CNTNAP5: variants seen among roughly 807,000 people sequenced by gnomAD.
CNTNAP5 encodes contactin-associated protein-like 5.
In CNTNAP5, 72 loss-of-function variants were observed where a neutral mutation model predicts 150.2. The ratio of observed to expected loss-of-function variants is 0.48; its 90% CI spans 0.40 to 0.58. CNTNAP5 has a LOEUF of 0.58. Among genes scored for constraint, CNTNAP5 ranks in the 20% least tolerant of loss-of-function variants. CNTNAP5 has a pLI of 0.00. For synonymous variants in CNTNAP5, 672 were observed against 619.8 expected (o/e 1.08, Z -1.25); for missense variants, 1,636 against 1,626.2 (o/e 1.01, Z -0.10).
In CNTNAP5 at chr2:124,733,029, A is replaced by G. The variant is rs116512924; in HGVS notation, c.2078-14200A>G. Among the ~76,000 whole-genome samples, 1,374 of 152,282 alleles carry G rather than the reference A, an allele frequency of 9.0e-3. 22 individuals carry two copies. Among genetic ancestry groups the G allele is most frequent in the African/African-American group, 0.032 (1,311 of 41,556 alleles). ...GCAATGGCATTTTGATTAGCAATGC[A>G]ACATTTACTCCCTGTTCACTTTATT... is the stretch of plus-strand genomic sequence containing the variant. On this transcript the variant is annotated intron_variant, in intron 13 of 23. Transcript: ENST00000682447.
intron 11 of CNTNAP5, among the ~76,000 whole-genome samples, chr2:124,592,921 T>A (rs2104962240): frequency 6.6e-6 from 1 of 152,028 alleles, no homozygotes; most frequent in East Asian, 1.9e-4. Flanking sequence ...GTTTATTGTA[T>A]CTTTTGCCAT....
Position 124,675,755 on chromosome 2 carries a change from G to A in CNTNAP5, c.2077+27797G>A, listed in dbSNP as rs145712368. Among the ~76,000 whole-genome samples the A allele has an allele frequency of 1.6e-3, 241 of 152,182 alleles. 1 individual carries two copies. The highest frequency in any genetic ancestry group is 5.7e-3 in the African/African-American group (236 of 41,542). ...TAGTTGTCTTATTTGTCGAGATATT[G>A]TTGTCATATTTTCCTTTAATTCTTT... On this transcript the variant is annotated intron_variant, in intron 13 of 23. Coordinates refer to ENST00000682447, the MANE Select transcript of CNTNAP5 (RefSeq NM_001367498.1).
intron 10 of CNTNAP5, among the ~76,000 whole-genome samples, chr2:124,549,435 A>G (rs558667106): frequency 6.6e-6 from 1 of 152,342 alleles, no homozygotes; most frequent in African/African-American, 2.4e-5. Context: ...TTTTAGTTCT[A>G]TCCATAACAA....
At chr2:124,238,881 G>C (rs1458511081) in intron 2 of CNTNAP5, among the ~76,000 whole-genome samples, 3 of 152,166 alleles carry the variant, frequency 2.0e-5, no homozygotes, top group African/African-American at 7.2e-5. Flanking sequence ...TGAAATGTTT[G>C]CCATAGCAAC....
At chr2:124,546,142 C>T (rs549919285) in intron 10 of CNTNAP5, among the ~76,000 whole-genome samples, 16 of 152,168 alleles carry the variant, frequency 1.1e-4, no homozygotes, top group African/African-American at 3.6e-4. Context: ...CCCTGTGGAT[C>T]AGTCCTTTAG....
chr2:124,374,710 C>T (rs1018784434), intron 3 of CNTNAP5, among the ~76,000 whole-genome samples: 4 of 152,096 alleles, frequency 2.6e-5, no homozygotes, highest in African/African-American at 9.7e-5. Context: ...GGAATGACCA[C>T]ACCTAGTGGC....
intron 1 of CNTNAP5, among the ~76,000 whole-genome samples, chr2:124,191,273 T>G (rs1685451267): frequency 6.6e-6 from 1 of 152,220 alleles, no homozygotes; most frequent in Non-Finnish European, 1.5e-5. Context: ...GTGGGATGTT[T>G]GGAGAAGATC....
At position 124,399,507 on chromosome 2, in the gene CNTNAP5, T is replaced by TAGAC. The variant is rs1691349820; in HGVS notation, c.382-17935_382-17932dup. Among the ~76,000 whole-genome samples the TAGAC allele has an allele frequency of 2.6e-5, 4 of 152,104 alleles. No individual in the cohort carries two copies. In the South Asian group the frequency reaches 8.3e-4, roughly 32 times the overall value. ...GCAAGTTGGGGCTTTTCTGCTGGTG[T>TAGAC]AGACGTTCATCCCTGGAAGTGATCC... On this transcript the variant is annotated intron_variant, in intron 3 of 23. Coordinates refer to ENST00000682447, the MANE Select transcript of CNTNAP5 (RefSeq NM_001367498.1).
intron 7 of CNTNAP5, among the ~76,000 whole-genome samples, chr2:124,493,965 TACACACACACACACAC>T (rs58843895): frequency 6.3e-5 from 9 of 143,828 alleles, no homozygotes; most frequent in Admixed American, 6.9e-5. Flanking sequence ...AAACCATAAA[TACACACACACACACAC>T]ACACACACAC....
At chr2:124,760,713 T>C (rs1320954118) in intron 14 of CNTNAP5, among the ~76,000 whole-genome samples, 1 of 152,150 alleles carries the variant, frequency 6.6e-6, no homozygotes, top group East Asian at 1.9e-4. Flanking sequence ...ATTCCTGGTG[T>C]GGGGTGCCGT....
At chr2:124,764,270 A>T (rs962718) in intron 16 of CNTNAP5, 123 bp downstream of exon 16, 9 of 716,710 alleles carry the variant, frequency 1.3e-5, no homozygotes, top group Non-Finnish European at 2.1e-5. Context: ...CATCTGTAAA[A>T]TTAGCAGTGA....
At chr2:124,310,239 T>C (rs553864411) in intron 3 of CNTNAP5, among the ~76,000 whole-genome samples, 2 of 152,200 alleles carry the variant, frequency 1.3e-5, no homozygotes, top group South Asian at 2.1e-4. Flanking sequence ...TGCTGGCATA[T>C]TGGGGCAATG....
At chr2:124,312,527 A>G (rs562937878) in intron 3 of CNTNAP5, among the ~76,000 whole-genome samples, 3 of 150,694 alleles carry the variant, frequency 2.0e-5, no homozygotes, top group Admixed American at 6.6e-5. Flanking sequence ...ACCACACCCA[A>G]CTAATTTTTG....
Position 124,537,040 on chromosome 2 carries a change from G to C in CNTNAP5, c.1649+9584G>C, listed in dbSNP as rs994376665. Among the ~76,000 whole-genome samples, 37 of 151,428 alleles carry C rather than the reference G, an allele frequency of 2.4e-4. 1 individual carries two copies. Among genetic ancestry groups the C allele is most frequent in the Admixed American group, 2.2e-3 (33 of 15,194 alleles). On this transcript the variant is annotated intron_variant, in intron 10 of 23. Coordinates refer to ENST00000682447, the MANE Select transcript of CNTNAP5 (RefSeq NM_001367498.1). Reference sequence around the variant, plus strand: ...ATGTGTGGTGTGTGTGTGTGTGTGAGAGAGAGAGAGAGAAAGAGAGAGAGA... The same window carrying C: ...ATGTGTGGTGTGTGTGTGTGTGTGACAGAGAGAGAGAGAAAGAGAGAGAGA...
chr2:124,414,651 A>C (rs1434279650), intron 3 of CNTNAP5, among the ~76,000 whole-genome samples: 1 of 152,156 alleles, frequency 6.6e-6, no homozygotes, highest in Non-Finnish European at 1.5e-5. Flanking sequence ...CCAGGTCATG[A>C]AACAAATCTT....
intron 3 of CNTNAP5, among the ~76,000 whole-genome samples, chr2:124,411,304 G>T (rs371386496): frequency 6.6e-6 from 1 of 152,138 alleles, no homozygotes; most frequent in Non-Finnish European, 1.5e-5. Flanking sequence ...GAGGTACAAG[G>T]AGGAACTGGT....
At chr2:124,483,420 T>C (rs1427318749) in intron 7 of CNTNAP5, among the ~76,000 whole-genome samples, 1 of 152,218 alleles carries the variant, frequency 6.6e-6, no homozygotes, top group Non-Finnish European at 1.5e-5. Context: ...GGTATGAACC[T>C]GCTGCATACC....
At chr2:124,777,655 A>G (rs1397426223) in intron 17 of CNTNAP5, among the ~76,000 whole-genome samples, 2 of 151,996 alleles carry the variant, frequency 1.3e-5, no homozygotes, top group African/African-American at 4.8e-5. Context: ...ATTGCTCCCT[A>G]CTATTTCAGA....
intron 19 of CNTNAP5, among the ~76,000 whole-genome samples, chr2:124,853,836 A>C (rs1024570258): frequency 6.6e-6 from 1 of 152,062 alleles, no homozygotes; most frequent in Non-Finnish European, 1.5e-5. Flanking sequence ...AGGCCCTGGC[A>C]TCTTTTGTTC....
Sources: allele counts gnomAD v4.1 joint callset (sites outside exome capture counted in the v4.1 genomes callset), GRCh38; gene constraint gnomAD v4.1.1; transcripts MANE v1.5; gene names NCBI Gene and HGNC (gene_info 2026-07-23, HGNC 2026-07-21).